Variants in ERC2 observed in about 807,000 individuals in gnomAD.
ERC2 encodes ERC protein 2.
A neutral mutation model predicts 114.8 loss-of-function variants in ERC2; 42 were observed. That is an observed-to-expected ratio of 0.37 (90% CI 0.29 to 0.47). The LOEUF (loss-of-function observed/expected upper bound fraction) is 0.47, where lower values mean the gene tolerates loss of function less well. Among genes scored for constraint, ERC2 ranks in the 20% least tolerant of loss-of-function variants. The pLI, the probability that ERC2 is intolerant of heterozygous loss-of-function variation, is 0.99. For synonymous variants in ERC2, 454 were observed against 425.5 expected (o/e 1.07, Z -0.82); for missense variants, 939 against 1,150.7 (o/e 0.82, Z 2.66).
At chr3:55,913,528 T>A (rs898434874) in intron 13 of ERC2, among the ~76,000 whole-genome samples, 1 of 147,236 alleles carries the variant, frequency 6.8e-6, no homozygotes, top group Non-Finnish European at 1.5e-5. Context: ...ATATTTTATT[T>A]TCTTCTTTTT....
intron 3 of ERC2, among the ~76,000 whole-genome samples, chr3:56,234,569 G>T (rs1020595542): frequency 1.3e-5 from 2 of 152,194 alleles, no homozygotes; most frequent in Non-Finnish European, 2.9e-5. Context: ...TGGTTAATGG[G>T]AATTGTCTTA....
intron 13 of ERC2, among the ~76,000 whole-genome samples, chr3:55,945,944 T>C (rs911265366): frequency 6.6e-6 from 1 of 152,106 alleles, no homozygotes. Flanking sequence ...GTACATTTTT[T>C]AGAAAGTTAG....
chr3:55,988,799 A>G (rs915014283), intron 11 of ERC2, among the ~76,000 whole-genome samples: 15 of 152,256 alleles, frequency 9.9e-5, no homozygotes, highest in African/African-American at 3.6e-4. Flanking sequence ...ATGGAGATAC[A>G]TGTCACATTG....
intron 14 of ERC2, among the ~76,000 whole-genome samples, chr3:55,828,011 C>T (rs1015447332): frequency 6.6e-6 from 1 of 152,240 alleles, no homozygotes; most frequent in East Asian, 1.9e-4. Flanking sequence ...GGAAAGTTGT[C>T]AGCCATTTTA....
At chr3:55,819,596 G>A (rs111445535) in intron 14 of ERC2, among the ~76,000 whole-genome samples, 6 of 152,322 alleles carry the variant, frequency 3.9e-5, no homozygotes, top group Non-Finnish European at 5.9e-5. Flanking sequence ...TATAATAGAG[G>A]GACATGTGGT....
At chr3:56,416,676 A>C (rs893665929) in intron 2 of ERC2, among the ~76,000 whole-genome samples, 1 of 151,500 alleles carries the variant, frequency 6.6e-6, no homozygotes, top group Non-Finnish European at 1.5e-5. Flanking sequence ...AAAAAAAAAA[A>C]AAAAACTCCT....
At chr3:56,073,396 G>A (rs1262295621) in intron 7 of ERC2, among the ~76,000 whole-genome samples, 1 of 152,136 alleles carries the variant, frequency 6.6e-6, no homozygotes, top group East Asian at 1.9e-4. Flanking sequence ...CTACCCATGA[G>A]ATGCTTAGAG....
intron 1 of ERC2, among the ~76,000 whole-genome samples, chr3:56,455,356 C>T (rs149069667): frequency 1.3e-5 from 2 of 152,180 alleles, no homozygotes; most frequent in African/African-American, 4.8e-5. Flanking sequence ...GTGTTTTACA[C>T]TATCTCTACA....
chr3:56,143,631 C>G (rs547274999), intron 5 of ERC2, among the ~76,000 whole-genome samples: 2 of 152,262 alleles, frequency 1.3e-5, no homozygotes, highest in South Asian at 4.1e-4. Context: ...TTCATTAAAC[C>G]TCTTTCCTTT....
Position 55,703,108 on chromosome 3 carries a change from C to T in ERC2, c.2713-3596G>A, listed in dbSNP as rs77380974. On this transcript the variant is annotated intron_variant, in intron 15 of 17. Transcript: ENST00000288221. The stretch of plus-strand genomic sequence containing the variant: ...CGCCACCTTATTTCTCTGGGGCCAT[C>T]GCCTCCTAACAGCTCTCCTGCTGCA... Among the ~76,000 whole-genome samples, 1,111 of 152,274 alleles carry T rather than the reference C, an allele frequency of 7.3e-3. 15 individuals are homozygous for T. The highest frequency in any genetic ancestry group is 0.025 in the African/African-American group (1,034 of 41,548).
At chr3:55,720,923 G>T (rs1436649614) in intron 15 of ERC2, among the ~76,000 whole-genome samples, 2 of 152,208 alleles carry the variant, frequency 1.3e-5, no homozygotes, top group African/African-American at 4.8e-5. Context: ...CCCCAGAGAA[G>T]ATGCTTCAAG....
At chr3:56,004,160 T>C (rs963245630) in intron 10 of ERC2, among the ~76,000 whole-genome samples, 11 of 152,024 alleles carry the variant, frequency 7.2e-5, no homozygotes, top group African/African-American at 2.7e-4. Context: ...TGAATTGCCA[T>C]TGCTTCTCAA....
intron 2 of ERC2, among the ~76,000 whole-genome samples, chr3:56,329,767 T>A (rs2057520118): frequency 6.7e-6 from 1 of 149,784 alleles, no homozygotes; most frequent in Admixed American, 6.8e-5. Flanking sequence ...TTTCCAAGTA[T>A]TCTCATATAT....
At chr3:56,024,445 AC>A (rs1415185211) in intron 7 of ERC2, among the ~76,000 whole-genome samples, 2 of 151,878 alleles carry the variant, frequency 1.3e-5, no homozygotes, top group East Asian at 3.9e-4. Context: ...GCTTCAACTG[AC>A]CCCCGGACAA....
At chr3:56,346,059 G>A (rs1383492591) in intron 2 of ERC2, among the ~76,000 whole-genome samples, 1 of 152,194 alleles carries the variant, frequency 6.6e-6, no homozygotes, top group African/African-American at 2.4e-5. Flanking sequence ...GAATCCCTGG[G>A]TCATAGGATA....
chr3:55,539,393 C>T (rs1410467854), intron 17 of ERC2, among the ~76,000 whole-genome samples: 2 of 109,430 alleles, frequency 1.8e-5, no homozygotes, highest in Non-Finnish European at 2.1e-5. Flanking sequence ...TTTTCTTTCT[C>T]TCTCTCTCTC....
chr3:55,751,083 G>A (rs1383428484), intron 14 of ERC2, among the ~76,000 whole-genome samples: 1 of 152,180 alleles, frequency 6.6e-6, no homozygotes, highest in Non-Finnish European at 1.5e-5. Flanking sequence ...AAACATTCAC[G>A]TGATTGCTGC....
intron 2 of ERC2, among the ~76,000 whole-genome samples, chr3:56,321,505 T>TGCC (rs1189023245): frequency 6.6e-6 from 1 of 152,128 alleles, no homozygotes; most frequent in Non-Finnish European, 1.5e-5. Context: ...AAACCAGAAG[T>TGCC]AGTTCAGGAG....
At chr3:55,721,701 C>G (rs1043547495) in intron 15 of ERC2, among the ~76,000 whole-genome samples, 2 of 152,228 alleles carry the variant, frequency 1.3e-5, no homozygotes, top group African/African-American at 4.8e-5. Flanking sequence ...GGTGGGTTGC[C>G]TTGCTTTGTT....
Sources: gnomAD v4.1 joint callset for allele counts (sites outside exome capture counted in the v4.1 genomes callset) on GRCh38, gnomAD v4.1.1 for gene constraint, MANE v1.5 for transcripts, NCBI Gene and HGNC (gene_info 2026-07-23, HGNC 2026-07-21) for gene names.